The following LHFPL2 variants were observed in gnomAD, a reference collection of about 807,000 sequenced individuals.
The protein encoded by LHFPL2 is LHFPL tetraspan subfamily member 2 protein.
A neutral mutation model predicts 17.5 loss-of-function variants in LHFPL2; 7 were observed. The ratio of observed to expected loss-of-function variants is 0.40; its 90% CI spans 0.23 to 0.75. LHFPL2 has a LOEUF of 0.75. Among genes scored for constraint, LHFPL2 ranks in the 30% least tolerant of loss-of-function variants. The pLI is 0.37. For missense variants in LHFPL2, 241 were observed against 294.8 expected (o/e 0.82, Z 1.34); for synonymous variants, 134 against 116.2 (o/e 1.15, Z -0.99).
chr5:78,645,953 A>C (rs998396365), intron 1 of LHFPL2, among the ~76,000 whole-genome samples: 2 of 152,244 alleles, frequency 1.3e-5, no homozygotes, highest in Non-Finnish European at 2.9e-5. Context: ...TTTGTATCTA[A>C]GAGCAGTAAG....
At chr5:78,588,400 A>G (rs531553120) in intron 2 of LHFPL2, among the ~76,000 whole-genome samples, 1 of 152,206 alleles carries the variant, frequency 6.6e-6, no homozygotes, top group African/African-American at 2.4e-5. Context: ...TCTATCTTTC[A>G]TTCTATAAAC....
chr5:78,576,204 A>C (rs192312029), intron 2 of LHFPL2, among the ~76,000 whole-genome samples: 1,718 of 152,080 alleles, frequency 0.011, 21 homozygotes, highest in South Asian at 0.033. Context: ...CTGAGGCAGG[A>C]GAATGGCGTG....
At chr5:78,647,623 T>C (rs1374099436) in intron 1 of LHFPL2, among the ~76,000 whole-genome samples, 1 of 151,982 alleles carries the variant, frequency 6.6e-6, no homozygotes, top group Non-Finnish European at 1.5e-5. Flanking sequence ...AAATGGGACA[T>C]ACAGGAAATG....
intron 2 of LHFPL2, among the ~76,000 whole-genome samples, chr5:78,607,220 C>T (rs745459734): frequency 3.9e-5 from 6 of 152,114 alleles, no homozygotes; most frequent in Non-Finnish European, 8.8e-5. Flanking sequence ...TCAAGCAATT[C>T]TCCTGCCTCA....
chr5:78,501,597 G>A (rs909343305), intron 4 of LHFPL2, among the ~76,000 whole-genome samples: 1 of 152,218 alleles, frequency 6.6e-6, no homozygotes, highest in Admixed American at 6.5e-5. Context: ...GTCTCACTGT[G>A]TTGTCGAGGC....
At chr5:78,604,700 T>C (rs908587180) in intron 2 of LHFPL2, among the ~76,000 whole-genome samples, 1 of 152,228 alleles carries the variant, frequency 6.6e-6, no homozygotes, top group Non-Finnish European at 1.5e-5. Flanking sequence ...TTCTTAATTT[T>C]TGTTATTACT....
intron 3 of LHFPL2, among the ~76,000 whole-genome samples, chr5:78,525,909 A>G (rs1188247353): frequency 6.6e-6 from 1 of 152,146 alleles, no homozygotes. Context: ...AGGAAGTAGG[A>G]AAGTGTGAGC....
chr5:78,544,674 C>T (rs1315023523), intron 3 of LHFPL2, among the ~76,000 whole-genome samples: 1 of 152,016 alleles, frequency 6.6e-6, no homozygotes, highest in Non-Finnish European at 1.5e-5. Context: ...AGTGACTCAT[C>T]AGCAAGGTCA....
intron 2 of LHFPL2, among the ~76,000 whole-genome samples, chr5:78,592,018 G>A (rs1180674707): frequency 1.3e-5 from 2 of 152,218 alleles, no homozygotes; most frequent in Non-Finnish European, 2.9e-5. Flanking sequence ...GCTCCATCTG[G>A]AGAGTGTCTG....
intron 3 of LHFPL2, among the ~76,000 whole-genome samples, chr5:78,561,182 C>T (rs369344113): frequency 2.7e-4 from 41 of 152,252 alleles, no homozygotes; most frequent in African/African-American, 9.9e-4. Flanking sequence ...ATAAAATTTA[C>T]AGTAGAAAAA....
At chr5:78,620,967 T>TC (rs1041616132) in intron 2 of LHFPL2, among the ~76,000 whole-genome samples, 7 of 133,444 alleles carry the variant, frequency 5.2e-5, no homozygotes, top group Non-Finnish European at 1.1e-4. Flanking sequence ...ATTCTCAAAC[T>TC]CCTTTTTTTT....
chr5:78,519,662 CAATT>C lies in LHFPL2; in HGVS notation c.-185-9268_-185-9265del, dbSNP rs1580768944. On this transcript the variant is annotated intron_variant, in intron 3 of 4. Coordinates refer to ENST00000380345, the MANE Select transcript of LHFPL2 (RefSeq NM_005779.3). ...TACCGCATAGGGATGTTGTGAGGAT[CAATT>C]AAGTTAAAGTAAGTATCAAGCTTAG... Among the ~76,000 whole-genome samples, 3 of 152,180 alleles carry C rather than the reference CAATT, an allele frequency of 2.0e-5. No homozygotes were observed. In the South Asian group the frequency reaches 6.2e-4, roughly 32 times the overall value.
chr5:78,513,867 G>C (rs1361636838), intron 3 of LHFPL2, among the ~76,000 whole-genome samples: 1 of 152,146 alleles, frequency 6.6e-6, no homozygotes, highest in Non-Finnish European at 1.5e-5. Context: ...AAATTACCCA[G>C]TCTCACGTAT....
chr5:78,554,232 A>G (rs1249198819), intron 3 of LHFPL2, among the ~76,000 whole-genome samples: 2 of 152,264 alleles, frequency 1.3e-5, no homozygotes, highest in Non-Finnish European at 2.9e-5. Flanking sequence ...GTTCCTGCAC[A>G]CGCTTACAGC....
At chr5:78,566,063 G>A (rs1756852347) in intron 2 of LHFPL2, among the ~76,000 whole-genome samples, 2 of 152,182 alleles carry the variant, frequency 1.3e-5, no homozygotes, top group South Asian at 2.1e-4. Context: ...TAATTGGGGT[G>A]TATAAATATG....
At chr5:78,490,519 G>GT (rs1277934734) in intron 4 of LHFPL2, among the ~76,000 whole-genome samples, 1 of 152,142 alleles carries the variant, frequency 6.6e-6, no homozygotes, top group Non-Finnish European at 1.5e-5. Context: ...TTGGGAGGCT[G>GT]AGGTGGGTGG....
intron 1 of LHFPL2, among the ~76,000 whole-genome samples, chr5:78,642,633 TGC>T (rs1745712317): frequency 6.6e-6 from 1 of 152,106 alleles, no homozygotes; most frequent in East Asian, 1.9e-4. Flanking sequence ...TACAAACACT[TGC>T]CACTACCGTA....
intron 3 of LHFPL2, among the ~76,000 whole-genome samples, chr5:78,518,112 A>G (rs1200317992): frequency 1.3e-5 from 2 of 152,234 alleles, no homozygotes; most frequent in African/African-American, 4.8e-5. Context: ...ACATGAAATT[A>G]AAACTTGAAT....
intron 2 of LHFPL2, chr5:78,625,970 G>C (rs1056165545): frequency 2.6e-5 from 4 of 152,236 alleles, no homozygotes; most frequent in Non-Finnish European, 5.9e-5. Flanking sequence ...TCCCTGAACA[G>C]ATGCTATTTT....
Sources: allele counts gnomAD v4.1 joint callset (sites outside exome capture counted in the v4.1 genomes callset), GRCh38; gene constraint gnomAD v4.1.1; transcripts MANE v1.5; gene names NCBI Gene and HGNC (gene_info 2026-07-23, HGNC 2026-07-21).